Variants in PLEKHG1 observed in about 807,000 individuals in gnomAD.
PLEKHG1 encodes the protein pleckstrin homology domain-containing family G member 1.
Under a neutral mutation model 100.8 loss-of-function variants are expected in PLEKHG1, and 44 were observed. The ratio of observed to expected loss-of-function variants is 0.44; its 90% CI spans 0.34 to 0.56. The LOEUF (loss-of-function observed/expected upper bound fraction) is 0.56. Ranked by LOEUF, PLEKHG1 falls within the 20% of genes least tolerant of loss-of-function variation. PLEKHG1 has a pLI of 0.01. For synonymous variants in PLEKHG1, 640 were observed against 662.5 expected (o/e 0.97, Z 0.52); for missense variants, 1,545 against 1,720.9 (o/e 0.90, Z 1.81).
intron 7 of PLEKHG1, among the ~76,000 whole-genome samples, chr6:150,808,432 T>TTC (rs1554277107): frequency 3.5e-4 from 52 of 150,626 alleles, no homozygotes; most frequent in African/African-American, 1.3e-3. Flanking sequence ...TTTTTTTTTT[T>TTC]CCCAGAGAGG....
chr6:150,779,345 T>TA (rs1562511364), intron 3 of PLEKHG1, among the ~76,000 whole-genome samples: 1 of 84,156 alleles, frequency 1.2e-5, no homozygotes, highest in Non-Finnish European at 2.1e-5. Flanking sequence ...TGTCAAGAAG[T>TA]TTTTTTTTTT....
Position 150,804,195 on chromosome 6 carries a change from TTTTTTTTTC to T in PLEKHG1, c.781-414_781-406del, listed in dbSNP as rs1192842186. Among the ~76,000 whole-genome samples the T allele has an allele frequency of 7.0e-4, 60 of 85,854 alleles. 3 individuals carry two copies. In the East Asian group the frequency reaches 0.018, roughly 25 times the overall value. 56.3% of individuals were successfully genotyped at this position (85,854 alleles called of 152,430 possible). A position where few individuals can be genotyped will look rare whatever the true frequency, so the allele number is the denominator to read the frequency against. On this transcript the variant is annotated intron_variant, in intron 6 of 15. Transcript: ENST00000358517. ...TATATATTTTTTTTTTTTTTTTTTT[TTTTTTTTTC>T]GAGGCAGAGTCTCACTCTGTCAGCC... is the stretch of plus-strand genomic sequence containing the variant.
intron 2 of PLEKHG1, among the ~76,000 whole-genome samples, chr6:150,638,701 C>G (rs1778122558): frequency 6.6e-6 from 1 of 152,130 alleles, no homozygotes; most frequent in Admixed American, 6.5e-5. Context: ...ATTTCTGCCT[C>G]TTACCTAAAA....
At position 150,703,472 on chromosome 6, in the gene PLEKHG1, A is replaced by G. The variant is rs200386853; in HGVS notation, c.-98-30112A>G. Among the ~76,000 whole-genome samples, 13 of 152,014 alleles carry G rather than the reference A, an allele frequency of 8.6e-5. 1 individual carries two copies. The East Asian group carries it at 2.5e-3, about 30-fold the overall frequency. On this transcript the variant is annotated intron_variant, in intron 3 of 3. Transcript: ENST00000367326. The stretch of plus-strand genomic sequence containing the variant: ...AAAAATTAGCCAGGCGTGGTGGCAC[A>G]TGCCTGTAATCCTAGCTACTCGTGA...
At chr6:150,701,979 C>T (rs1780808710) in intron 3 of PLEKHG1, among the ~76,000 whole-genome samples, 1 of 152,140 alleles carries the variant, frequency 6.6e-6, no homozygotes, top group Non-Finnish European at 1.5e-5. Flanking sequence ...CTGAGATCGA[C>T]TGAAGTTAAA....
intron 2 of PLEKHG1, among the ~76,000 whole-genome samples, chr6:150,752,715 A>C (rs746686296): frequency 6.6e-5 from 10 of 152,202 alleles, no homozygotes; most frequent in Non-Finnish European, 1.3e-4. Context: ...AAAACAAAGA[A>C]TCCTCCTTAC....
chr6:150,836,061 A>T (rs1189017449), intron 15 of PLEKHG1, among the ~76,000 whole-genome samples: 1 of 152,164 alleles, frequency 6.6e-6, no homozygotes, highest in Non-Finnish European at 1.5e-5. Context: ...AGGAAAGTGC[A>T]TCCCTTTTTA....
chr6:150,644,334 G>GTTTTTTTTTTTTTTTTT lies in PLEKHG1; in HGVS notation c.-158+6211_-158+6227dup, dbSNP rs57840463. Among the ~76,000 whole-genome samples, 325 of 117,536 alleles carry GTTTTTTTTTTTTTTTTT rather than the reference G, an allele frequency of 2.8e-3. 12 individuals carry two copies. Among genetic ancestry groups the GTTTTTTTTTTTTTTTTT allele is most frequent in the African/African-American group, 5.5e-3 (157 of 28,596 alleles). The allele number at this position is 117,536 out of a possible 152,430, so 77.1% of individuals were successfully genotyped here. A position where few individuals can be genotyped will look rare whatever the true frequency, so the allele number is the denominator to read the frequency against. ...AAGAGAGTGGTTTTTTTCTTTTCGT[G>GTTTTTTTTTTTTTTTTT]TTTTTTTTTTTTTTTTTTGTTACAG... On this transcript the variant is annotated intron_variant, in intron 2 of 3. Transcript: ENST00000367326.
chr6:150,840,482 T>C, exon 16 of PLEKHG1: 1 of 1,614,192 alleles, frequency 6.2e-7, no homozygotes, highest in Non-Finnish European at 8.5e-7. Flanking sequence ...CACAGAAAGT[T>C]GTGGTGGTCA....
At position 150,804,155 on chromosome 6, in the gene PLEKHG1, T is replaced by TATATATA; in HGVS notation, c.781-455_781-454insATATATA. Among the ~76,000 whole-genome samples the TATATATA allele has an allele frequency of 3.3e-3, 99 of 30,256 alleles. 2 individuals carry two copies. The highest frequency in any genetic ancestry group is 0.024 in the East Asian group (26 of 1,082). The allele number at this position is 30,256 out of a possible 152,430, so 19.8% of individuals were successfully genotyped here. A position where few individuals can be genotyped will look rare whatever the true frequency, so the allele number is the denominator to read the frequency against. On this transcript the variant is annotated intron_variant, in intron 6 of 15. Transcript: ENST00000358517. ...AGAATGATGCTGGTGTGTAAATATT[T>TATATATA]TATATATATATATATATATATTTTT...
chr6:150,733,692 C>T, exon 2 of PLEKHG1: 1 of 1,614,206 alleles, frequency 6.2e-7, no homozygotes, highest in Non-Finnish European at 8.5e-7. Flanking sequence ...ATGGAGCTCT[C>T]TGATAGTGAC....
At chr6:150,709,994 C>T (rs1393296226) in intron 3 of PLEKHG1, among the ~76,000 whole-genome samples, 1 of 152,052 alleles carries the variant, frequency 6.6e-6, no homozygotes, top group Non-Finnish European at 1.5e-5. Context: ...CACTCTGTTG[C>T]CCAGGCTGGT....
intron 2 of PLEKHG1, among the ~76,000 whole-genome samples, chr6:150,642,348 A>G (rs1254861317): frequency 6.6e-6 from 1 of 152,216 alleles, no homozygotes; most frequent in Non-Finnish European, 1.5e-5. Flanking sequence ...TTCTGCTTAG[A>G]AAATGTTGCT....
intron 1 of PLEKHG1, among the ~76,000 whole-genome samples, chr6:150,625,180 A>G (rs922676273): frequency 6.6e-6 from 1 of 152,220 alleles, no homozygotes; most frequent in Non-Finnish European, 1.5e-5. Context: ...ACTATAAAAT[A>G]AGTTTAGAAG....
intron 3 of PLEKHG1, among the ~76,000 whole-genome samples, chr6:150,708,501 A>C (rs1354784986): frequency 6.6e-6 from 1 of 152,118 alleles, no homozygotes; most frequent in African/African-American, 2.4e-5. Context: ...GCCCCTTGTA[A>C]ATCAGTCAGT....
Position 150,831,535 on chromosome 6 carries a change from T to G in PLEKHG1, c.2424T>G (p.Tyr808Ter). ...ATCAGGCCACTCCCGATCATGGTTA[T>G]CTGAGTTTGCTGTATGACTCTCCCA... Residue 808 changes from tyrosine to a stop codon, truncating the protein, a stop_gained, in exon 15 of 16, where the codon TAT becomes TAG. Coordinates refer to ENST00000358517, the Ensembl canonical transcript of PLEKHG1. LOFTEE classifies it high-confidence loss of function. The surrounding 1 kb of genome is among the most constrained non-coding windows in gnomAD (Gnocchi z 4.1). The G allele has an allele frequency of 6.2e-7, 1 of 1,614,184 alleles. No homozygotes were observed. The highest frequency in any genetic ancestry group is 8.5e-7 in the Non-Finnish European group (1 of 1,180,008).
At chr6:150,716,062 C>A (rs1241263366) in intron 3 of PLEKHG1, among the ~76,000 whole-genome samples, 1 of 147,198 alleles carries the variant, frequency 6.8e-6, no homozygotes, top group South Asian at 2.2e-4. Flanking sequence ...GAGCCGAGAT[C>A]GCGCCACTGC....
intron 1 of PLEKHG1, among the ~76,000 whole-genome samples, chr6:150,634,243 TCCC>T (rs372926333): frequency 2.2e-4 from 20 of 90,324 alleles, no homozygotes; most frequent in African/African-American, 7.2e-4. Context: ...AAACTCGATC[TCCC>T]CCCCAAAAAA....
chr6:150,668,917 T>C (rs1182843251), intron 3 of PLEKHG1, among the ~76,000 whole-genome samples: 1 of 152,206 alleles, frequency 6.6e-6, no homozygotes, highest in African/African-American at 2.4e-5. Context: ...AAATGGCAGC[T>C]GAATTATTGT....
Sources: allele counts gnomAD v4.1 joint callset (sites outside exome capture counted in the v4.1 genomes callset), GRCh38; gene constraint gnomAD v4.1.1; non-coding constraint Gnocchi (gnomAD v3.1); transcripts MANE v1.5; gene names NCBI Gene and HGNC (gene_info 2026-07-23, HGNC 2026-07-21).